The following SCAF11 variants were observed in gnomAD, a reference collection of about 807,000 sequenced individuals.
SCAF11 encodes the protein protein SCAF11.
SCAF11 carries 47 observed loss-of-function variants against 140.5 expected under a neutral mutation model. That is an observed-to-expected ratio of 0.33 (90% CI 0.26 to 0.43). The LOEUF is 0.43. SCAF11 is among the 20% of genes least tolerant of loss of function. The pLI is 1.00. For missense variants in SCAF11, 1,645 were observed against 1,705.1 expected, an observed-to-expected ratio of 0.96 and a Z score of 0.62; for synonymous variants, 557 against 579.4, an observed-to-expected ratio of 0.96 and a Z score of 0.55.
intron 13 of SCAF11, 22 bp downstream of exon 13, chr12:45,922,914 T>C (rs12831208): frequency 2.1e-5 from 34 of 1,600,860 alleles, no homozygotes; most frequent in Non-Finnish European, 2.6e-5. Flanking sequence ...ATTATGAAGG[T>C]TGCTCTCAAC....
At chr12:45,949,302 G>A (rs548041849) in intron 4 of SCAF11, among the ~76,000 whole-genome samples, 10 of 152,100 alleles carry the variant, frequency 6.6e-5, no homozygotes, top group East Asian at 5.8e-4. Context: ...GGAATGTGCC[G>A]CAAGTATAAA....
intron 3 of SCAF11, chr12:45,961,422 C>T (rs1033043472): frequency 9.3e-6 from 6 of 644,872 alleles, no homozygotes; most frequent in Non-Finnish European, 1.7e-5. Flanking sequence ...AAATTAATTA[C>T]TGCATTTCTA....
In SCAF11 at chr12:45,927,719, T is replaced by C. The variant is rs1944921280; in HGVS notation, c.1982A>G (p.Gln661Arg). The C allele has an allele frequency of 6.2e-7, 1 of 1,612,196 alleles. No homozygotes were observed. The highest frequency in any genetic ancestry group is 8.5e-7 in the Non-Finnish European group (1 of 1,179,370). ...TFGNEDFNNI[Q>R]DSENNLLKNN... is the part of the protein sequence containing the mutation. ...TTTTAGTAAGTTATTTTCAGAGTCTTGAATATTATTGAAATCTTCATTCCC... is the reference window on the plus strand; with the variant it reads ...TTTTAGTAAGTTATTTTCAGAGTCTCGAATATTATTGAAATCTTCATTCCC... Residue 661 changes from glutamine (Q) to arginine (R), a missense_variant, in exon 11 of 15, where the codon CAA becomes CGA. Coordinates refer to ENST00000369367, the MANE Select transcript of SCAF11 (RefSeq NM_004719.3).
chr12:45,922,282 A>C, intron 14 of SCAF11, 88 bp from the exon 15 acceptor site: 1 of 1,472,470 alleles, frequency 6.8e-7, no homozygotes, highest in Non-Finnish European at 9.1e-7. Flanking sequence ...ACAACCCCAA[A>C]GAGATAACCA....
intron 12 of SCAF11, among the ~76,000 whole-genome samples, chr12:45,923,390 T>G (rs1438126237): frequency 6.6e-6 from 1 of 152,208 alleles, no homozygotes; most frequent in African/African-American, 2.4e-5. Flanking sequence ...ATATGTATTG[T>G]AACATTTTGA....
chr12:45,930,463 T>G (rs903103883), intron 10 of SCAF11, among the ~76,000 whole-genome samples: 2 of 150,642 alleles, frequency 1.3e-5, no homozygotes, highest in East Asian at 1.9e-4. Flanking sequence ...TTTGTTTTTT[T>G]TTTTTTTTGA....
At chr12:45,988,630 T>G (rs1946517272) in intron 1 of SCAF11, among the ~76,000 whole-genome samples, 1 of 152,250 alleles carries the variant, frequency 6.6e-6, no homozygotes, top group South Asian at 2.1e-4. Flanking sequence ...ATGACATGTT[T>G]TCTGGCAACA....
At chr12:45,956,994 A>G (rs1212314985) in intron 3 of SCAF11, among the ~76,000 whole-genome samples, 1 of 152,200 alleles carries the variant, frequency 6.6e-6, no homozygotes, top group Non-Finnish European at 1.5e-5. Flanking sequence ...ATTAGCTACA[A>G]GTTAAAGTTC....
chr12:45,927,988 T>C lies in SCAF11; in HGVS notation c.1713A>G (p.Leu571=), dbSNP rs141484476. The C allele has an allele frequency of 2.3e-4, 372 of 1,613,194 alleles. 1 individual carries two copies. The highest frequency in any genetic ancestry group is 3.0e-4 in the Non-Finnish European group (351 of 1,179,994). The change falls in exon 11 of 15, where the codon TTA becomes TTG. Residue 571 remains leucine (L), a synonymous_variant. Coordinates refer to ENST00000369367, the MANE Select transcript of SCAF11 (RefSeq NM_004719.3). ...YQPVSCPLSD[L]SENVESVVNE... is the part of the protein sequence containing the mutation. ...TAACCACTGACTCTACATTCTCAGA[T>C]AAGTCACTTAGGGGACAAGATACAG...
Position 45,928,277 on chromosome 12 carries a change from G to A in SCAF11, c.1424C>T (p.Ser475Phe), listed in dbSNP as rs147324041. ...AGGAAGATCTTGAGCACAAGACTCA[G>A]AAGATGAAGATCCTACTCTTTCCTC... is the stretch of plus-strand genomic sequence containing the variant. ...DTEERVGSSS[S>F]ESCAQDLPVL... Residue 475 changes from serine to phenylalanine, a missense_variant, in exon 11 of 15, where the codon TCT becomes TTT. By Grantham distance (155) the Ser-to-Phe change is radical. Around this residue, in one of 2 missense-constraint regions of SCAF11, gnomAD observed 1,582 missense variants for 1,609.2 expected, o/e 0.98. Coordinates refer to ENST00000369367, the MANE Select transcript of SCAF11 (RefSeq NM_004719.3). 213 of 1,613,950 alleles carry A rather than the reference G, an allele frequency of 1.3e-4. No individual in the cohort carries two copies. The highest frequency in any genetic ancestry group is 1.7e-4 in the Admixed American group (10 of 60,020).
rs754599554 is a variant in SCAF11 at position 45,961,715 on chromosome 12, A to G, written c.204T>C (p.Ile68=). The change falls in exon 3 of 15, where the codon ATT becomes ATC. Residue 68 remains isoleucine, a synonymous_variant. Transcript: ENST00000369367. ...TCAGACTTACCTCTGCCCATTTAAGAATACAAGTCATACAGAAGACATGAT... is the reference window on the plus strand; with the variant it reads ...TCAGACTTACCTCTGCCCATTTAAGGATACAAGTCATACAGAAGACATGAT... ...SCNHVFCMTC[I]LKWAETLASC... The G allele has an allele frequency of 4.3e-6, 7 of 1,611,100 alleles. No individual in the cohort carries two copies. The highest frequency in any genetic ancestry group is 5.9e-6 in the Non-Finnish European group (7 of 1,178,766).
At chr12:45,939,288 C>T (rs1311762788) in intron 6 of SCAF11, among the ~76,000 whole-genome samples, 1 of 152,018 alleles carries the variant, frequency 6.6e-6, no homozygotes, top group African/African-American at 2.4e-5. Flanking sequence ...GAATTCGCAA[C>T]TTCACAAACT....
intron 6 of SCAF11, among the ~76,000 whole-genome samples, chr12:45,941,028 T>C (rs1483836654): frequency 6.6e-6 from 1 of 152,106 alleles, no homozygotes; most frequent in Non-Finnish European, 1.5e-5. Flanking sequence ...TTATTTCTGA[T>C]CATCATTAGT....
chr12:45,927,722 A>G lies in SCAF11; in HGVS notation c.1979T>C (p.Ile660Thr). The G allele has an allele frequency of 6.2e-7, 1 of 1,612,292 alleles. No individual in the cohort carries two copies. The highest frequency in any genetic ancestry group is 2.2e-5 in the East Asian group (1 of 44,850). The change falls in exon 11 of 15, where the codon ATT becomes ACT. Residue 660 changes from isoleucine to threonine, a missense_variant. Physicochemically the swap from Ile to Thr is moderately conservative, Grantham distance 89. Transcript: ENST00000369367. ...DTFGNEDFNN[I>T]QDSENNLLKN... ...TAGTAAGTTATTTTCAGAGTCTTGAATATTATTGAAATCTTCATTCCCAAA... is the reference window on the plus strand; with the variant it reads ...TAGTAAGTTATTTTCAGAGTCTTGAGTATTATTGAAATCTTCATTCCCAAA...
chr12:45,967,866 T>C (rs1230856082), intron 1 of SCAF11, among the ~76,000 whole-genome samples: 1 of 152,234 alleles, frequency 6.6e-6, no homozygotes, highest in Non-Finnish European at 1.5e-5. Flanking sequence ...TTGTCCTGTT[T>C]ATCTGTTCTA....
chr12:45,988,592 T>G (rs1946516078), intron 1 of SCAF11, among the ~76,000 whole-genome samples: 1 of 152,128 alleles, frequency 6.6e-6, no homozygotes, highest in Non-Finnish European at 1.5e-5. Context: ...ACAGAAAAAA[T>G]TAAAAAATTA....
At position 45,927,402 on chromosome 12, in the gene SCAF11, C is replaced by T. The variant is rs1392228381; in HGVS notation, c.2299G>A (p.Val767Ile). ...TCAGATGGTTGAGAAACAGTTTCAA[C>T]CTTTTCATCCGCAAGATCAGAAGAC... ...MPSSDLADEK[V>I]ETVSQPSESP... The change falls in exon 11 of 15, where the codon GTT (valine) becomes ATT (isoleucine). Residue 767 changes from valine (V) to isoleucine (I), a missense_variant. Transcript: ENST00000369367. 1.9e-6 allele frequency: 3 copies of T among 1,613,950 alleles called. No individual in the cohort carries two copies. The highest frequency in any genetic ancestry group is 3.3e-5 in the Admixed American group (2 of 59,974).
Position 45,928,846 on chromosome 12 carries a change from C to T in SCAF11, c.855G>A (p.Lys285=). ...ISFEHFGTSC[K]GYALAHTQEG... is the part of the protein sequence containing the mutation. ...CTTGAGTATGTGCTAATGCATATCC[C>T]TTGCAAGAAGTACCTAATAATATTT... The change falls in exon 11 of 15, where the codon AAG becomes AAA. Residue 285 remains lysine (K), a synonymous_variant. Transcript: ENST00000369367. 1 of 1,542,366 alleles carries T rather than the reference C, an allele frequency of 6.5e-7. No homozygotes were observed. The highest frequency in any genetic ancestry group is 8.7e-7 in the Non-Finnish European group (1 of 1,148,036).
rs2136505650 is a variant in SCAF11 at position 45,927,067 on chromosome 12, A to G, written c.2634T>C (p.Ser878=). 5.6e-6 allele frequency: 9 copies of G among 1,614,076 alleles called. No homozygotes were observed. Among genetic ancestry groups the G allele is most frequent in the Non-Finnish European group, 7.6e-6 (9 of 1,179,998 alleles). ...TTTCTCTTCTTGGGGACAGTGATTC[A>G]GATCTTCTGCTTTCCCTAGTAGTAT... is the stretch of plus-strand genomic sequence containing the variant. ...KRDTTRESRR[S]ESLSPRRETS... is the part of the protein sequence containing the mutation. Residue 878 remains serine, a synonymous_variant, in exon 11 of 15, where the codon TCT becomes TCC. Transcript: ENST00000369367.
Sources: allele counts gnomAD v4.1 joint callset (sites outside exome capture counted in the v4.1 genomes callset), GRCh38; gene constraint gnomAD v4.1.1; regional missense constraint gnomAD v4.1.1; transcripts MANE v1.5; gene names NCBI Gene and HGNC (gene_info 2026-07-23, HGNC 2026-07-21).